LRP1B: variants seen among roughly 807,000 people sequenced by gnomAD.
LRP1B encodes low-density lipoprotein receptor-related protein 1B.
In LRP1B, 217 loss-of-function variants were observed where a neutral mutation model predicts 556.6. That is an observed-to-expected ratio of 0.39 (90% CI 0.35 to 0.44). The LOEUF (loss-of-function observed/expected upper bound fraction) is 0.44, where lower values mean the gene tolerates loss of function less well. LRP1B is among the 20% of genes least tolerant of loss of function. The probability of loss-of-function intolerance (pLI) is 1.00; values close to 1 mark genes in which losing one functional copy is unlikely to be tolerated. For synonymous variants in LRP1B, 2,047 were observed against 1,865.8 expected (o/e 1.10, Z -2.50); for missense variants, 5,053 against 5,620.8 (o/e 0.90, Z 3.23).
chr2:140,249,789 C>G (rs1371474375), intron 86 of LRP1B, among the ~76,000 whole-genome samples: 1 of 151,852 alleles, frequency 6.6e-6, no homozygotes, highest in Non-Finnish European at 1.5e-5. Context: ...TCCACAAGTT[C>G]TTCCAGTGGT....
chr2:140,483,609 C>CACACAG (rs1441710383), intron 59 of LRP1B, among the ~76,000 whole-genome samples: 111 of 79,894 alleles, frequency 1.4e-3, no homozygotes, highest in African/African-American at 5.2e-3. Context: ...CACACACACA[C>CACACAG]ACACACATAT....
chr2:140,868,061 TAAAA>T, intron 26 of LRP1B, 34 bp downstream of exon 26: 1 of 1,198,960 alleles, frequency 8.3e-7, no homozygotes. Context: ...ATTATCTAAG[TAAAA>T]AAAAAAATAC....
intron 2 of LRP1B, among the ~76,000 whole-genome samples, chr2:141,636,752 A>C (rs1689120015): frequency 6.6e-6 from 1 of 152,010 alleles, no homozygotes; most frequent in African/African-American, 2.4e-5. Flanking sequence ...GAATGTTAAA[A>C]AGGAAAAAAA....
intron 2 of LRP1B, among the ~76,000 whole-genome samples, chr2:141,555,986 C>CCTCACG (rs1685948825): frequency 6.6e-6 from 1 of 151,674 alleles, no homozygotes; most frequent in African/African-American, 2.4e-5. Context: ...TTTCCGTTTT[C>CCTCACG]TGTTTGTTTA....
At chr2:141,993,419 G>T (rs1183770885) in intron 1 of LRP1B, among the ~76,000 whole-genome samples, 2 of 54,940 alleles carry the variant, frequency 3.6e-5, no homozygotes, top group Admixed American at 2.5e-4. Context: ...GGCTCCACTA[G>T]GAGCAGGAAA....
chr2:141,926,801 A>G (rs1700344662), intron 1 of LRP1B, among the ~76,000 whole-genome samples: 1 of 152,168 alleles, frequency 6.6e-6, no homozygotes, highest in Non-Finnish European at 1.5e-5. Context: ...GGATTGAGCT[A>G]TATTAACCAC....
At chr2:142,016,855 TATAC>T (rs1277572820) in intron 1 of LRP1B, among the ~76,000 whole-genome samples, 1 of 149,548 alleles carries the variant, frequency 6.7e-6, no homozygotes, top group Non-Finnish European at 1.5e-5. Flanking sequence ...TATGTATATA[TATAC>T]ACACACATAT....
rs541167013 is a variant in LRP1B, at chr2:141,742,546, G to A, written c.205+67733C>T. On this transcript the variant is annotated intron_variant, in intron 2 of 90. Coordinates refer to ENST00000389484, the MANE Select transcript of LRP1B (RefSeq NM_018557.3). Reference sequence around the variant, plus strand: ...TGGGATTAGAGGTATGAGCCACCACGCCTGGCCTCCAGTTCTGTCCTTAGC... The same window carrying A: ...TGGGATTAGAGGTATGAGCCACCACACCTGGCCTCCAGTTCTGTCCTTAGC... 7.2e-5 allele frequency among the ~76,000 whole-genome samples: 11 copies of A among 152,102 alleles called. No individual in the cohort carries two copies. The South Asian group carries it at 1.9e-3, about 26-fold the overall frequency.
At chr2:140,277,314 G>A (rs772635267) in intron 84 of LRP1B, among the ~76,000 whole-genome samples, 4 of 151,864 alleles carry the variant, frequency 2.6e-5, no homozygotes, top group Non-Finnish European at 4.4e-5. Context: ...GGCTGGGTGC[G>A]GTAGCTCACA....
At chr2:141,754,337 C>T (rs1396469216) in intron 2 of LRP1B, among the ~76,000 whole-genome samples, 1 of 151,992 alleles carries the variant, frequency 6.6e-6, no homozygotes, top group African/African-American at 2.4e-5. Flanking sequence ...GCAAGTTACT[C>T]ACTTTAAGTA....
chr2:141,829,503 G>A (rs1231571303), intron 1 of LRP1B, among the ~76,000 whole-genome samples: 1 of 152,064 alleles, frequency 6.6e-6, no homozygotes, highest in Non-Finnish European at 1.5e-5. Flanking sequence ...GATGGAAGTT[G>A]ACTCAGAGAT....
intron 2 of LRP1B, among the ~76,000 whole-genome samples, chr2:141,789,931 G>A (rs898794982): frequency 1.2e-4 from 18 of 151,822 alleles, no homozygotes; most frequent in Non-Finnish European, 2.9e-5. Context: ...AACCAGCGTC[G>A]ATATGTTACA....
intron 1 of LRP1B, among the ~76,000 whole-genome samples, chr2:141,925,145 A>G (rs572904325): frequency 3.0e-4 from 46 of 152,326 alleles, no homozygotes; most frequent in African/African-American, 1.0e-3. Flanking sequence ...TTTCTTTCTC[A>G]ATAGGAGATA....
In LRP1B at chr2:141,298,104, A is replaced by G. The variant is rs552402047; in HGVS notation, c.344-43463T>C. Among the ~76,000 whole-genome samples the G allele has an allele frequency of 1.6e-4, 25 of 152,302 alleles. No homozygotes were observed. The South Asian group carries it at 5.0e-3, about 30-fold the overall frequency. On this transcript the variant is annotated intron_variant, in intron 3 of 90. Coordinates refer to ENST00000389484, the MANE Select transcript of LRP1B (RefSeq NM_018557.3). ...CTCAATAATTTCATAAGGGTGTATC[A>G]TTTTTCTTCATTGATTTTCAGCACC...
At chr2:142,013,242 G>A (rs1277846823) in intron 1 of LRP1B, among the ~76,000 whole-genome samples, 1 of 152,052 alleles carries the variant, frequency 6.6e-6, no homozygotes. Flanking sequence ...AAGACGGAAA[G>A]CGGGATGGGA....
At chr2:140,759,232 A>T (rs1475884056) in intron 35 of LRP1B, among the ~76,000 whole-genome samples, 1 of 152,142 alleles carries the variant, frequency 6.6e-6, no homozygotes, top group Admixed American at 6.5e-5. Flanking sequence ...TTAGAAGTTG[A>T]ATAGTCAAAA....
intron 1 of LRP1B, among the ~76,000 whole-genome samples, chr2:142,105,233 A>G (rs1348271941): frequency 1.3e-5 from 2 of 152,172 alleles, no homozygotes; most frequent in Admixed American, 1.3e-4. Context: ...TTCTAAAAGC[A>G]ACTGAAAACC....
At chr2:141,517,271 C>CACACATACACACACACACACACAT (rs1448830774) in intron 2 of LRP1B, among the ~76,000 whole-genome samples, 11 of 151,174 alleles carry the variant, frequency 7.3e-5, no homozygotes, top group African/African-American at 2.7e-4. Flanking sequence ...CGCACACACA[C>CACACATACACACACACACACACAT]AGACACACAC....
chr2:140,801,155 A>G (rs1690495746), intron 32 of LRP1B, among the ~76,000 whole-genome samples: 1 of 152,182 alleles, frequency 6.6e-6, no homozygotes, highest in Non-Finnish European at 1.5e-5. Flanking sequence ...ACATATATGA[A>G]TAAAGTGTGG....
Sources: allele counts gnomAD v4.1 joint callset (sites outside exome capture counted in the v4.1 genomes callset), GRCh38; gene constraint gnomAD v4.1.1; transcripts MANE v1.5; gene names NCBI Gene and HGNC (gene_info 2026-07-23, HGNC 2026-07-21).